The following FHIT variants were observed in gnomAD, a reference collection of about 807,000 sequenced individuals.
FHIT encodes bis(5'-adenosyl)-triphosphatase.
In FHIT, 19 loss-of-function variants were observed where a neutral mutation model predicts 17.9. That is an observed-to-expected ratio of 1.06 (90% CI 0.74 to 1.56). FHIT has a LOEUF of 1.56. FHIT is among the 40% of genes most tolerant of loss of function. The pLI is 0.00. For missense variants in FHIT, 248 were observed against 189.2 expected, an observed-to-expected ratio of 1.31 and a Z score of -1.82; for synonymous variants, 81 against 69.7, an observed-to-expected ratio of 1.16 and a Z score of -0.81.
At chr3:60,183,269 A>G (rs1702019530) in intron 5 of FHIT, among the ~76,000 whole-genome samples, 2 of 152,058 alleles carry the variant, frequency 1.3e-5, no homozygotes, top group Admixed American at 6.5e-5. Flanking sequence ...GTGGTGGTGC[A>G]TGCCTGTAAT....
chr3:59,986,531 A>ATTTATATTTATACATT (rs1559523582), intron 7 of FHIT, among the ~76,000 whole-genome samples: 254 of 5,036 alleles, frequency 0.05, 2 homozygotes, highest in East Asian at 0.11. Flanking sequence ...ATATATATAT[A>ATTTATATTTATACATT]TATATATATA....
intron 1 of FHIT, among the ~76,000 whole-genome samples, chr3:61,239,762 C>CATATATATATATATATAGATATAT (rs2040324517): frequency 9.2e-6 from 1 of 108,300 alleles, no homozygotes; most frequent in Non-Finnish European, 1.7e-5. Context: ...AACAACTGGC[C>CATATATATATATATATAGATATAT]ATATATATAT....
At chr3:60,000,052 C>T (rs1033947219) in intron 7 of FHIT, among the ~76,000 whole-genome samples, 2 of 152,188 alleles carry the variant, frequency 1.3e-5, no homozygotes, top group African/African-American at 4.8e-5. Context: ...GCATGTTGCC[C>T]TAGAAAATAT....
chr3:60,566,717 C>T (rs569796361), intron 4 of FHIT, among the ~76,000 whole-genome samples: 1 of 152,220 alleles, frequency 6.6e-6, no homozygotes, highest in East Asian at 1.9e-4. Flanking sequence ...ACCCCATTGT[C>T]TCAGCCCAAA....
chr3:60,071,203 A>G (rs181438852), intron 5 of FHIT, among the ~76,000 whole-genome samples: 33 of 152,334 alleles, frequency 2.2e-4, no homozygotes, highest in Admixed American at 1.7e-3. Context: ...GAGATGTACC[A>G]GAAGTGTAAA....
chr3:59,862,860 T>C (rs1418753269), intron 8 of FHIT, among the ~76,000 whole-genome samples: 19 of 142,986 alleles, frequency 1.3e-4, no homozygotes, highest in Admixed American at 1.3e-3. Flanking sequence ...CCTGGGTACT[T>C]ACTCACCAAC....
chr3:61,055,604 C>T (rs1217214593), intron 2 of FHIT, among the ~76,000 whole-genome samples: 1 of 152,070 alleles, frequency 6.6e-6, no homozygotes, highest in Non-Finnish European at 1.5e-5. Flanking sequence ...TGGGTGATTC[C>T]CATGTATAAC....
At chr3:60,457,388 C>T (rs913500234) in intron 5 of FHIT, among the ~76,000 whole-genome samples, 39 of 152,056 alleles carry the variant, frequency 2.6e-4, no homozygotes, top group African/African-American at 9.4e-4. Flanking sequence ...GTGTAGAAAG[C>T]TGAAACTGGA....
chr3:60,783,689 G>GACA (rs1553726202), intron 4 of FHIT, among the ~76,000 whole-genome samples: 37 of 151,832 alleles, frequency 2.4e-4, no homozygotes, highest in African/African-American at 8.7e-4. Context: ...GTGTAAAAAG[G>GACA]GGGACTAATG....
intron 2 of FHIT, among the ~76,000 whole-genome samples, chr3:61,166,123 G>A (rs531508488): frequency 5.9e-5 from 9 of 152,236 alleles, no homozygotes; most frequent in South Asian, 2.1e-4. Context: ...TGATGCCACC[G>A]TTTTTTGTCA....
rs572225342 is a variant in FHIT at position 60,950,235 on chromosome 3, G to A, written c.-111+91812C>T. 1.2e-4 allele frequency among the ~76,000 whole-genome samples: 18 copies of A among 152,270 alleles called. No homozygotes were observed. The South Asian group carries it at 3.7e-3, about 32-fold the overall frequency. On this transcript the variant is annotated intron_variant, in intron 3 of 9. Coordinates refer to ENST00000492590, the MANE Select transcript of FHIT (RefSeq NM_002012.4). ...ACACTATGCAGACATTGAAAATTAAGTGGTGGAATATTTAATAACAAAAAA... is the reference window on the plus strand; with the variant it reads ...ACACTATGCAGACATTGAAAATTAAATGGTGGAATATTTAATAACAAAAAA...
At chr3:60,277,331 C>T (rs1352202255) in intron 5 of FHIT, among the ~76,000 whole-genome samples, 10 of 152,016 alleles carry the variant, frequency 6.6e-5, no homozygotes, top group African/African-American at 1.7e-4. Context: ...GAAAAGCAGC[C>T]GCCAAATCAT....
chr3:60,471,170 G>A (rs1203012239), intron 5 of FHIT, among the ~76,000 whole-genome samples: 3 of 152,148 alleles, frequency 2.0e-5, no homozygotes, highest in East Asian at 3.9e-4. Flanking sequence ...GCTGTGAGCT[G>A]TGTTGCCTAG....
chr3:60,354,298 A>G (rs949408407), intron 5 of FHIT, among the ~76,000 whole-genome samples: 1 of 152,186 alleles, frequency 6.6e-6, no homozygotes, highest in Non-Finnish European at 1.5e-5. Context: ...GACTTACTTT[A>G]TTATTCCTAT....
intron 5 of FHIT, among the ~76,000 whole-genome samples, chr3:60,296,743 A>C (rs1476124885): frequency 6.6e-6 from 1 of 151,956 alleles, no homozygotes; most frequent in African/African-American, 2.4e-5. Flanking sequence ...GATCCCAATG[A>C]CTTTTTCCTC....
At chr3:61,023,284 A>G (rs1468001835) in intron 3 of FHIT, among the ~76,000 whole-genome samples, 2 of 152,208 alleles carry the variant, frequency 1.3e-5, no homozygotes, top group Non-Finnish European at 2.9e-5. Context: ...TACAACTTAC[A>G]AGGGATGTGA....
chr3:59,975,568 T>G (rs770453831), intron 7 of FHIT, among the ~76,000 whole-genome samples: 12 of 152,002 alleles, frequency 7.9e-5, no homozygotes, highest in Non-Finnish European at 1.3e-4. Flanking sequence ...TTTCTACAAT[T>G]GACGGTACAA....
intron 2 of FHIT, among the ~76,000 whole-genome samples, chr3:61,106,565 ATATT>A (rs542699138): frequency 3.2e-4 from 48 of 152,202 alleles, no homozygotes; most frequent in Non-Finnish European, 5.1e-4. Context: ...AAAATTGTAT[ATATT>A]TATCAGGTAC....
intron 2 of FHIT, among the ~76,000 whole-genome samples, chr3:61,141,388 C>A (rs913968423): frequency 6.6e-6 from 1 of 152,156 alleles, no homozygotes; most frequent in African/African-American, 2.4e-5. Flanking sequence ...TCTTAGTCAT[C>A]CGCTCCTTTC....
Sources: gnomAD v4.1 joint callset for allele counts (sites outside exome capture counted in the v4.1 genomes callset) on GRCh38, gnomAD v4.1.1 for gene constraint, MANE v1.5 for transcripts, NCBI Gene and HGNC (gene_info 2026-07-23, HGNC 2026-07-21) for gene names.